Variants in AKAP13 observed in about 807,000 individuals in gnomAD.
The protein encoded by AKAP13 is A-kinase anchor protein 13.
In AKAP13, 80 loss-of-function variants were observed where a neutral mutation model predicts 264.5. The ratio of observed to expected loss-of-function variants is 0.30; its 90% CI spans 0.25 to 0.36. The LOEUF is 0.36. AKAP13 is among the 10% of genes least tolerant of loss of function. AKAP13 has a pLI of 1.00. For synonymous variants in AKAP13, 1,380 were observed against 1,250.2 expected, an observed-to-expected ratio of 1.10 and a Z score of -2.19; for missense variants, 3,712 against 3,435.2, an observed-to-expected ratio of 1.08 and a Z score of -2.01.
intron 8 of AKAP13, among the ~76,000 whole-genome samples, chr15:85,595,377 G>T (rs898285653): frequency 6.6e-6 from 1 of 152,078 alleles, no homozygotes; most frequent in Non-Finnish European, 1.5e-5. Context: ...GGGAATACAG[G>T]CATGAGCCAC....
chr15:85,631,476 AC>A (rs1430587427), intron 8 of AKAP13, among the ~76,000 whole-genome samples: 1 of 149,986 alleles, frequency 6.7e-6, no homozygotes, highest in Non-Finnish European at 1.5e-5. Flanking sequence ...AATAACACAC[AC>A]ACACTTTCTC....
At chr15:85,444,395 T>C (rs189602609) in intron 1 of AKAP13, among the ~76,000 whole-genome samples, 1 of 152,216 alleles carries the variant, frequency 6.6e-6, no homozygotes, top group East Asian at 1.9e-4. Context: ...CAATAAAAGG[T>C]AGTTGAGGAG....
intron 5 of AKAP13, among the ~76,000 whole-genome samples, chr15:85,558,548 G>A (rs1188717166): frequency 1.3e-5 from 2 of 152,134 alleles, no homozygotes; most frequent in Non-Finnish European, 2.9e-5. Context: ...GAGCAAAAAT[G>A]TGTCTTTTTT....
At position 85,596,431 on chromosome 15, in the gene AKAP13, C is replaced by T. The variant is rs1363004861; in HGVS notation, c.4161+10608C>T. On this transcript the variant is annotated intron_variant, in intron 8 of 36. Transcript: ENST00000394518. ...AACCAGCCTGGGCAAAACCCTGTCT[C>T]TACCAAAACTACAAAAATTAGCCAG... Among the ~76,000 whole-genome samples, 9 of 152,144 alleles carry T rather than the reference C, an allele frequency of 5.9e-5. No homozygotes were observed. The East Asian group carries it at 1.5e-3, about 26-fold the overall frequency.
At chr15:85,668,091 G>A (rs1369536779) in intron 13 of AKAP13, among the ~76,000 whole-genome samples, 2 of 152,124 alleles carry the variant, frequency 1.3e-5, no homozygotes, top group Admixed American at 6.5e-5. Context: ...TGATCTAGAC[G>A]AGTTGCCTGT....
At position 85,724,676 on chromosome 15, in the gene AKAP13, G is replaced by T. The variant is rs1016726809; in HGVS notation, c.6745+1356G>T. Among the ~76,000 whole-genome samples the T allele has an allele frequency of 1.3e-5, 2 of 151,524 alleles. No homozygotes were observed. Among genetic ancestry groups the T allele is most frequent in the African/African-American group, 4.9e-5 (2 of 41,226 alleles). On this transcript the variant is annotated intron_variant, in intron 26 of 36. Coordinates refer to ENST00000394518, the MANE Select transcript of AKAP13 (RefSeq NM_007200.5). The surrounding 1 kb of genome is among the most constrained non-coding windows in gnomAD (Gnocchi z 4.2). ...AAAGAATGGGTTCAAAAACGAGAAC[G>T]GCAAGCAGGAGAGGGATACATGAGG...
rs577223914 is a variant in AKAP13, at chr15:85,722,501, G to A, written c.6496+154G>A. 4.9e-4 allele frequency among the ~76,000 whole-genome samples: 74 copies of A among 152,302 alleles called. 3 individuals are homozygous for A. The South Asian group carries it at 0.015, about 30-fold the overall frequency. ...TTGAATTTTGTTGAATGAAAATTTG[G>A]ACTGTTATGTTACCAGACTTAGGAT... On this transcript the variant is annotated intron_variant, in intron 25 of 36. Transcript: ENST00000394518.
chr15:85,517,350 C>CT (rs5814198), intron 2 of AKAP13, among the ~76,000 whole-genome samples: 54,146 of 150,042 alleles, frequency 0.36, 10,037 homozygotes, highest in Middle Eastern at 0.48. Context: ...TCCCATCACA[C>CT]TTTTTTTTTT....
chr15:85,503,254 A>G (rs549616754), intron 2 of AKAP13, among the ~76,000 whole-genome samples: 21 of 152,280 alleles, frequency 1.4e-4, no homozygotes, highest in African/African-American at 4.1e-4. Context: ...ATCCTCTTAG[A>G]GTTTACAATC....
chr15:85,643,398 G>A (rs1018857404), intron 9 of AKAP13, among the ~76,000 whole-genome samples: 2 of 152,112 alleles, frequency 1.3e-5, no homozygotes, highest in African/African-American at 4.8e-5. Context: ...GCAATGCAAT[G>A]CAGCCTTGAC....
intron 5 of AKAP13, chr15:85,555,455 T>C (rs994551086): frequency 3.1e-5 from 40 of 1,288,926 alleles, no homozygotes; most frequent in Non-Finnish European, 3.8e-5. Context: ...TAAAAGAGGA[T>C]GGGCTTGCGA....
At chr15:85,633,272 C>T (rs559873824) in intron 8 of AKAP13, among the ~76,000 whole-genome samples, 2 of 151,592 alleles carry the variant, frequency 1.3e-5, no homozygotes, top group Admixed American at 6.6e-5. Flanking sequence ...ACATTCTTTA[C>T]TTATCACTAA....
chr15:85,656,890 G>A (rs1326062786), intron 11 of AKAP13, among the ~76,000 whole-genome samples: 1 of 152,150 alleles, frequency 6.6e-6, no homozygotes, highest in Non-Finnish European at 1.5e-5. Context: ...AAACAGATAA[G>A]GGATGAGGCT....
Position 85,678,883 on chromosome 15 carries a change from T to TA in AKAP13, c.5102-3263dup, listed in dbSNP as rs35438915. On this transcript the variant is annotated intron_variant, in intron 14 of 36. Transcript: ENST00000394518. ...GATCACTTCATCTCAAAAACAAAAT[T>TA]AAAAAAAAAAAATCAAAGTATTTGT... Among the ~76,000 whole-genome samples the TA allele has an allele frequency of 6.8e-3, 971 of 143,752 alleles. 25 individuals are homozygous for TA. Among genetic ancestry groups the TA allele is most frequent in the Admixed American group, 0.05 (728 of 14,516 alleles). 94.3% of individuals were successfully genotyped at this position (143,752 alleles called of 152,430 possible).
intron 12 of AKAP13, chr15:85,662,373 T>G: frequency 1.9e-6 from 3 of 1,614,116 alleles, no homozygotes; most frequent in Non-Finnish European, 2.5e-6. Context: ...TTTCTGTCTT[T>G]GATGTCATCC....
chr15:85,630,045 T>G (rs1345347840), intron 8 of AKAP13, among the ~76,000 whole-genome samples: 1 of 151,898 alleles, frequency 6.6e-6, no homozygotes, highest in Non-Finnish European at 1.5e-5. Context: ...TTCTTTTTGT[T>G]TTGTATCTGC....
At chr15:85,686,881 T>C (rs1447406674) in intron 16 of AKAP13, among the ~76,000 whole-genome samples, 1 of 152,252 alleles carries the variant, frequency 6.6e-6, no homozygotes, top group Non-Finnish European at 1.5e-5. Context: ...AAAAACTTTA[T>C]GATCTAGTTT....
intron 1 of AKAP13, among the ~76,000 whole-genome samples, chr15:85,442,769 C>T (rs978182498): frequency 1.3e-5 from 2 of 151,558 alleles, no homozygotes; most frequent in East Asian, 1.9e-4. Flanking sequence ...GGACTCTGGA[C>T]CACTTAGTTT....
Position 85,506,072 on chromosome 15 carries a change from G to A in AKAP13, c.34-15356G>A, listed in dbSNP as rs534779927. ...ACTTTGGGAGACCGAGGAGGTGGGCGGATCACTTGAGGTCAGGAGTTCAAG... is the reference window on the plus strand; with the variant it reads ...ACTTTGGGAGACCGAGGAGGTGGGCAGATCACTTGAGGTCAGGAGTTCAAG... On this transcript the variant is annotated intron_variant, in intron 2 of 36. Coordinates refer to ENST00000394518, the MANE Select transcript of AKAP13 (RefSeq NM_007200.5). Among the ~76,000 whole-genome samples the A allele has an allele frequency of 2.0e-5, 3 of 152,218 alleles. No homozygotes were observed. The South Asian group carries it at 6.2e-4, about 32-fold the overall frequency.
Sources: gnomAD v4.1 joint callset for allele counts (sites outside exome capture counted in the v4.1 genomes callset) on GRCh38, gnomAD v4.1.1 for gene constraint, Gnocchi (gnomAD v3.1) non-coding constraint, MANE v1.5 for transcripts, NCBI Gene and HGNC (gene_info 2026-07-23, HGNC 2026-07-21) for gene names.